The following PXDNL variants were observed in gnomAD, a reference collection of about 807,000 sequenced individuals.
The protein encoded by PXDNL is probable oxidoreductase PXDNL.
In PXDNL, 145 loss-of-function variants were observed where a neutral mutation model predicts 150.8. The observed-to-expected ratio is 0.96, with a 90% confidence interval of 0.84 to 1.10. The LOEUF (loss-of-function observed/expected upper bound fraction) is 1.10, where lower values mean the gene tolerates loss of function less well. Ranked by LOEUF, PXDNL falls within the 50% of genes least tolerant of loss-of-function variation. The pLI, the probability that PXDNL is intolerant of heterozygous loss-of-function variation, is 0.00. For synonymous variants in PXDNL, 757 were observed against 725.7 expected, an observed-to-expected ratio of 1.04 and a Z score of -0.69; for missense variants, 2,087 against 1,873.9, an observed-to-expected ratio of 1.11 and a Z score of -2.10.
chr8:51,365,837 A>G (rs28751061), intron 19 of PXDNL, among the ~76,000 whole-genome samples: 1,913 of 152,292 alleles, frequency 0.013, 34 homozygotes, highest in African/African-American at 0.044. Flanking sequence ...ATTATGGGAG[A>G]TCATTGTTTT....
intron 19 of PXDNL, among the ~76,000 whole-genome samples, chr8:51,364,986 G>A (rs188493506): frequency 2.0e-3 from 301 of 152,202 alleles, no homozygotes; most frequent in South Asian, 5.0e-3. Context: ...TGTAGCCCAG[G>A]TTGGAGTGCA....
In PXDNL at chr8:51,610,041, T is replaced by G. The variant is rs113453772; in HGVS notation, c.237-17343A>C. ...TATTAATACAATAATCTTTCCATTTTTTTTCAACACGCAGCTCTAGCAACC... is the reference window on the plus strand; with the variant it reads ...TATTAATACAATAATCTTTCCATTTGTTTTCAACACGCAGCTCTAGCAACC... On this transcript the variant is annotated intron_variant, in intron 2 of 22. Transcript: ENST00000356297. Among the ~76,000 whole-genome samples, 259 of 152,306 alleles carry G rather than the reference T, an allele frequency of 1.7e-3. 2 individuals are homozygous for G. The highest frequency in any genetic ancestry group is 6.0e-3 in the African/African-American group (249 of 41,568).
intron 3 of PXDNL, among the ~76,000 whole-genome samples, chr8:51,566,365 C>T (rs974635355): frequency 3.3e-5 from 5 of 151,664 alleles, no homozygotes; most frequent in South Asian, 2.1e-4. Context: ...AGATAATTAA[C>T]GTCATTTTTT....
chr8:51,531,456 C>T (rs1811905030), intron 4 of PXDNL, among the ~76,000 whole-genome samples: 1 of 152,218 alleles, frequency 6.6e-6, no homozygotes, highest in South Asian at 2.1e-4. Context: ...AGGGCCACAT[C>T]TGGAGCAGCT....
intron 1 of PXDNL, among the ~76,000 whole-genome samples, chr8:51,801,617 T>A (rs142597094): frequency 0.025 from 3,788 of 152,248 alleles, 163 homozygotes; most frequent in African/African-American, 0.086. Context: ...TGGCTGACAC[T>A]TAGGGAAAAT....
chr8:51,433,811 A>G (rs2129820440), intron 12 of PXDNL, among the ~76,000 whole-genome samples: 1 of 152,296 alleles, frequency 6.6e-6, no homozygotes, highest in South Asian at 2.1e-4. Context: ...GATATATAAG[A>G]ATATTATAAA....
chr8:51,535,122 C>T lies in PXDNL; in HGVS notation c.380+21718G>A, dbSNP rs1334494389. 1.6e-5 allele frequency among the ~76,000 whole-genome samples: 2 copies of T among 126,804 alleles called. 1 individual carries two copies. The highest frequency in any genetic ancestry group is 1.4e-4 in the Admixed American group (2 of 13,840). 83.2% of individuals were successfully genotyped at this position (126,804 alleles called of 152,430 possible). On this transcript the variant is annotated intron_variant, in intron 4 of 22. Coordinates refer to ENST00000356297, the MANE Select transcript of PXDNL (RefSeq NM_144651.5). Reference sequence around the variant, plus strand: ...GGGGTCAGCCCCCCGCCCGGCCAGCCGCCCCATCCGGGAGGTGAGGGGCGC... The same window carrying T: ...GGGGTCAGCCCCCCGCCCGGCCAGCTGCCCCATCCGGGAGGTGAGGGGCGC...
At chr8:51,530,699 T>C (rs1811880521) in intron 4 of PXDNL, among the ~76,000 whole-genome samples, 1 of 152,150 alleles carries the variant, frequency 6.6e-6, no homozygotes. Flanking sequence ...ACTCTGCGTG[T>C]AGTGCTCTGT....
intron 1 of PXDNL, among the ~76,000 whole-genome samples, chr8:51,694,245 C>T (rs1047295866): frequency 6.6e-6 from 1 of 152,136 alleles, no homozygotes; most frequent in African/African-American, 2.4e-5. Flanking sequence ...TGCTTGTAAT[C>T]CCAGCCACTT....
chr8:51,620,284 A>C (rs10958284), intron 2 of PXDNL, among the ~76,000 whole-genome samples: 33,676 of 152,122 alleles, frequency 0.22, 3,894 homozygotes, highest in Admixed American at 0.31. Flanking sequence ...TATATTTTGA[A>C]GGTTTCACGA....
chr8:51,331,823 C>G (rs562506970), intron 21 of PXDNL, among the ~76,000 whole-genome samples: 157 of 152,252 alleles, frequency 1.0e-3, no homozygotes, highest in Non-Finnish European at 1.8e-3. Context: ...TCCCCCACAG[C>G]AGCGCAGCAA....
At chr8:51,385,095 T>G (rs1372323156) in intron 17 of PXDNL, among the ~76,000 whole-genome samples, 1 of 152,120 alleles carries the variant, frequency 6.6e-6, no homozygotes, top group Non-Finnish European at 1.5e-5. Flanking sequence ...AACAATAGCA[T>G]GTTTGAACAA....
At chr8:51,492,747 G>A (rs531847930) in intron 5 of PXDNL, among the ~76,000 whole-genome samples, 5 of 152,248 alleles carry the variant, frequency 3.3e-5, no homozygotes, top group African/African-American at 4.8e-5. Context: ...GGGCGCCTGC[G>A]ATTGCCCAGG....
At chr8:51,609,056 A>AC (rs113366828) in intron 2 of PXDNL, among the ~76,000 whole-genome samples, 107 of 152,252 alleles carry the variant, frequency 7.0e-4, no homozygotes, top group African/African-American at 2.2e-3. Context: ...CCTTGTTCTC[A>AC]CAAAGGCATC....
intron 19 of PXDNL, among the ~76,000 whole-genome samples, chr8:51,362,055 A>T (rs1160405464): frequency 1.3e-5 from 2 of 152,116 alleles, no homozygotes. Context: ...AAAGATTTTA[A>T]TATCTTTACT....
Position 51,748,893 on chromosome 8 carries a change from A to C in PXDNL, c.164+60288T>G, listed in dbSNP as rs569266884. Among the ~76,000 whole-genome samples, 3 of 152,348 alleles carry C rather than the reference A, an allele frequency of 2.0e-5. No homozygotes were observed. In the East Asian group the frequency reaches 5.8e-4, roughly 29 times the overall value. On this transcript the variant is annotated intron_variant, in intron 1 of 22. Coordinates refer to ENST00000356297, the MANE Select transcript of PXDNL (RefSeq NM_144651.5). ...CAGTGTTTGTTTTCAAAATTAGGAC[A>C]CTAAAAATAAGCAGAATGCATTTCA...
At chr8:51,687,794 A>T (rs1490993735) in intron 1 of PXDNL, among the ~76,000 whole-genome samples, 1 of 152,220 alleles carries the variant, frequency 6.6e-6, no homozygotes, top group Non-Finnish European at 1.5e-5. Flanking sequence ...AGCCAAAGAC[A>T]TTCCATGGGA....
chr8:51,720,942 A>C (rs1816718840), intron 1 of PXDNL, among the ~76,000 whole-genome samples: 1 of 152,226 alleles, frequency 6.6e-6, no homozygotes. Flanking sequence ...ATCGCATGCA[A>C]AGAAAATCTC....
At chr8:51,359,170 C>A (rs543463061) in intron 19 of PXDNL, among the ~76,000 whole-genome samples, 2 of 152,158 alleles carry the variant, frequency 1.3e-5, no homozygotes, top group Non-Finnish European at 2.9e-5. Flanking sequence ...AAGTCACTGT[C>A]CATGAAAGGG....
Sources: allele counts gnomAD v4.1 joint callset (sites outside exome capture counted in the v4.1 genomes callset), GRCh38; gene constraint gnomAD v4.1.1; transcripts MANE v1.5; gene names NCBI Gene and HGNC (gene_info 2026-07-23, HGNC 2026-07-21).